The following MEGF6 variants were observed in gnomAD, a reference collection of about 807,000 sequenced individuals.
MEGF6 encodes multiple EGF like domains 6.
A neutral mutation model predicts 207.1 loss-of-function variants in MEGF6; 184 were observed. That is an observed-to-expected ratio of 0.89 (90% confidence interval 0.79 to 1.00). The LOEUF is 1.00. MEGF6 is among the 50% of genes least tolerant of loss of function. MEGF6 has a pLI of 0.00. For missense variants in MEGF6, 2,282 were observed against 2,202.9 expected, an observed-to-expected ratio of 1.04 and a Z score of -0.72; for synonymous variants, 1,038 against 910.0, an observed-to-expected ratio of 1.14 and a Z score of -2.53.
intron 3 of MEGF6, among the ~76,000 whole-genome samples, chr1:3,584,817 G>A (rs1337559364): frequency 1.3e-5 from 2 of 152,268 alleles, no homozygotes; most frequent in Non-Finnish European, 2.9e-5. Flanking sequence ...GGGGAGGCAT[G>A]GGCGGGTGGT....
At chr1:3,588,466 A>G (rs28673607) in intron 3 of MEGF6, among the ~76,000 whole-genome samples, 12 of 36,716 alleles carry the variant, frequency 3.3e-4, no homozygotes, top group East Asian at 2.4e-3. Context: ...GCAGGAGGGG[A>G]CAGGAGGGGG....
At chr1:3,575,991 TCC>T (rs1643630774) in intron 4 of MEGF6, among the ~76,000 whole-genome samples, 1 of 59,774 alleles carries the variant, frequency 1.7e-5, no homozygotes, top group Non-Finnish European at 4.9e-5. Flanking sequence ...TCGCCAAATC[TCC>T]TCCCTGCTGA....
chr1:3,521,047 G>A (rs143609324), intron 5 of MEGF6, among the ~76,000 whole-genome samples: 3 of 152,264 alleles, frequency 2.0e-5, no homozygotes, highest in Admixed American at 6.5e-5. Flanking sequence ...GAGTCTAACC[G>A]CAGAGCCTCA....
intron 4 of MEGF6, among the ~76,000 whole-genome samples, chr1:3,578,536 TGGGG>T (rs60070220): frequency 7.2e-6 from 1 of 138,580 alleles, no homozygotes; most frequent in Non-Finnish European, 1.6e-5. Flanking sequence ...GCAGGGGCCC[TGGGG>T]GGGGGGGGCC....
In MEGF6 at chr1:3,500,646, C is replaced by T. The variant is rs765686982; in HGVS notation, c.2694G>A (p.Pro898=). The change falls in exon 21 of 37, where the codon CCG becomes CCA. Residue 898 remains proline, a synonymous_variant. Coordinates refer to ENST00000356575, the MANE Select transcript of MEGF6 (RefSeq NM_001409.4). ...LCLCEAGYVG[P]RCEQQCPQGH... ...GCCGGGACTCACGCTGCTCGCACCG[C>T]GGGCCCACGTAGCCAGCCTCACACA... 22 of 1,560,254 alleles carry T rather than the reference C, an allele frequency of 1.4e-5. No homozygotes were observed. The highest frequency in any genetic ancestry group is 5.7e-5 in the Admixed American group (3 of 52,532).
intron 4 of MEGF6, among the ~76,000 whole-genome samples, chr1:3,562,825 G>A (rs964102946): frequency 1.3e-5 from 2 of 152,168 alleles, no homozygotes; most frequent in African/African-American, 4.8e-5. Context: ...AGCACTCAAG[G>A]CCAGCAGCAA....
At chr1:3,597,287 G>A (rs1397065747) in intron 2 of MEGF6, among the ~76,000 whole-genome samples, 6 of 152,024 alleles carry the variant, frequency 3.9e-5, no homozygotes, top group Admixed American at 6.6e-5. Context: ...CCCAGGATCC[G>A]CCTGCCCACC....
intron 3 of MEGF6, among the ~76,000 whole-genome samples, chr1:3,591,472 A>G (rs960129777): frequency 6.6e-6 from 1 of 152,190 alleles, no homozygotes; most frequent in African/African-American, 2.4e-5. Context: ...CTCTAAGAAC[A>G]AGAGCTGGCA....
At chr1:3,596,135 G>A (rs955306791) in intron 2 of MEGF6, among the ~76,000 whole-genome samples, 10 of 152,108 alleles carry the variant, frequency 6.6e-5, no homozygotes, top group African/African-American at 2.4e-4. Flanking sequence ...CACCATGGCG[G>A]GCAGGCAGGG....
intron 1 of MEGF6, among the ~76,000 whole-genome samples, chr1:3,608,394 A>G (rs1644281957): frequency 6.6e-6 from 1 of 151,804 alleles, no homozygotes; most frequent in South Asian, 2.1e-4. Flanking sequence ...TGCCTTCTAC[A>G]CCCTGGGGTC....
In MEGF6 at chr1:3,521,727, G is replaced by A. The variant is rs116358110; in HGVS notation, c.604+2397C>T. 6.2e-3 allele frequency among the ~76,000 whole-genome samples: 941 copies of A among 152,240 alleles called. 13 individuals carry two copies. The highest frequency in any genetic ancestry group is 0.021 in the African/African-American group (857 of 41,546). ...CTATCCTGGAAACTCCCGGGAGACC[G>A]AGGAACCGGCCCCACCCTTGCAGGT... On this transcript the variant is annotated intron_variant, in intron 5 of 36. Transcript: ENST00000356575.
intron 5 of MEGF6, among the ~76,000 whole-genome samples, chr1:3,515,821 C>T (rs1293999457): frequency 6.6e-6 from 1 of 152,212 alleles, no homozygotes. Flanking sequence ...GGGGACCCCA[C>T]CCAGACAGAA....
Position 3,594,679 on chromosome 1 carries a change from C to T in MEGF6, c.376+659G>A, listed in dbSNP as rs1433256737. On this transcript the variant is annotated intron_variant, in intron 3 of 36. Transcript: ENST00000356575. This position sits in a 1 kb window ranked among gnomAD's most constrained non-coding sequence, Gnocchi z 4.2. ...TGCCTGAAACCCTTCCCAAACATCTCTGTAGCTGTGAGCCCCATTCCTTTT... is the reference window on the plus strand; with the variant it reads ...TGCCTGAAACCCTTCCCAAACATCTTTGTAGCTGTGAGCCCCATTCCTTTT... Among the ~76,000 whole-genome samples, 1 of 152,216 alleles carries T rather than the reference C, an allele frequency of 6.6e-6. No homozygotes were observed. The highest frequency in any genetic ancestry group is 1.5e-5 in the Non-Finnish European group (1 of 68,044).
At position 3,579,897 on chromosome 1, in the gene MEGF6, C is replaced by G; in HGVS notation, c.409G>C (p.Gly137Arg). ...ECSASLCFHG[G>R]RCVPGSAQPC... Reference sequence around the variant, plus strand: ...TGGGCTGAGCCTGGCACACAACGGCCACCGTGAAAACAGAGGCTGGCGCTG... The same window carrying G: ...TGGGCTGAGCCTGGCACACAACGGCGACCGTGAAAACAGAGGCTGGCGCTG... Residue 137 changes from glycine to arginine, a missense_variant, in exon 4 of 37, where the codon GGC becomes CGC. Physicochemically the swap from Gly to Arg is moderately radical, Grantham distance 125. Coordinates refer to ENST00000356575, the MANE Select transcript of MEGF6 (RefSeq NM_001409.4). 6.5e-7 allele frequency: 1 copy of G among 1,537,138 alleles called. No homozygotes were observed.
In MEGF6 at chr1:3,495,912, T is replaced by C. The variant is rs778416144; in HGVS notation, c.3849A>G (p.Arg1283=). 1 of 1,597,828 alleles carries C rather than the reference T, an allele frequency of 6.3e-7. No homozygotes were observed. The highest frequency in any genetic ancestry group is 2.2e-5 in the East Asian group (1 of 44,790). Residue 1283 remains arginine, a synonymous_variant, in exon 30 of 37, where the codon AGA becomes AGG. Coordinates refer to ENST00000356575, the MANE Select transcript of MEGF6 (RefSeq NM_001409.4). The stretch of plus-strand genomic sequence containing the variant: ...CACCTCGCTCACAGCGGACGCCGGC[T>C]CTCCCCGGGGGGCAGAGGCAGGTGC... ...VTGTCLCPPG[R]AGVRCERGCP...
chr1:3,538,220 A>G (rs1220524029), intron 4 of MEGF6, among the ~76,000 whole-genome samples: 2 of 152,162 alleles, frequency 1.3e-5, no homozygotes, highest in Admixed American at 1.3e-4. Context: ...GGTCTCACAC[A>G]GTCCAAGCTG....
chr1:3,531,114 G>A, intron 4 of MEGF6: 3 of 1,528,156 alleles, frequency 2.0e-6, no homozygotes, highest in Non-Finnish European at 2.6e-6. Flanking sequence ...CGGGGTAGCC[G>A]GCCTGGCCCA....
At chr1:3,619,173 G>A in the MEGF6 span, among the ~76,000 whole-genome samples, 2 of 152,154 alleles carry the variant, frequency 1.3e-5, no homozygotes, top group African/African-American at 4.8e-5. Context: ...GGAAGACCTC[G>A]CATGGGTGAT....
rs539461847 is a variant in MEGF6 at position 3,494,464 on chromosome 1, G to A, written c.4036C>T (p.Leu1346=). The change falls in exon 32 of 37, where the codon CTG becomes TTG. Residue 1346 remains leucine (L), a synonymous_variant. Transcript: ENST00000356575. ...PPGRYGAACH[L]ECSCHNNSTC... is the part of the protein sequence containing the mutation. ...CTGTTGTTGTGGCAGGAGCACTCCA[G>A]ATGGCAGGCGGCTCCGTAGCGCCCA... 1.2e-4 allele frequency: 189 copies of A among 1,579,284 alleles called. No homozygotes were observed. The highest frequency in any genetic ancestry group is 1.7e-4 in the Middle Eastern group (1 of 5,874).
Sources: allele counts gnomAD v4.1 joint callset (sites outside exome capture counted in the v4.1 genomes callset), GRCh38; gene constraint gnomAD v4.1.1; non-coding constraint Gnocchi (gnomAD v3.1); transcripts MANE v1.5; gene names NCBI Gene and HGNC (gene_info 2026-07-23, HGNC 2026-07-21).